Variants in P2RY8 observed in about 807,000 individuals in gnomAD.
P2RY8 encodes the protein P2Y receptor family member 8.
A neutral mutation model predicts 10.0 loss-of-function variants in P2RY8; 6 were observed. That is an observed-to-expected ratio of 0.60 (90% CI 0.33 to 1.19). P2RY8 has a LOEUF of 1.19. P2RY8 is among the 50% of genes most tolerant of loss of function. P2RY8 has a pLI of 0.04. For synonymous variants in P2RY8, 276 were observed against 252.5 expected, an observed-to-expected ratio of 1.09 and a Z score of -0.88; for missense variants, 456 against 542.0, an observed-to-expected ratio of 0.84 and a Z score of 1.58.
chrX:1,498,393 G>T (rs748874455), intron 1 of P2RY8, among the ~76,000 whole-genome samples: 3 of 121,838 alleles, frequency 2.5e-5, no homozygotes, highest in Non-Finnish European at 5.0e-5. Flanking sequence ...GCGACAGAGC[G>T]AGACTCTGTC....
rs143830539 is a variant in P2RY8, at chrX:1,486,421, G to A, written c.-24-19839C>T. Among the ~76,000 whole-genome samples, 6 of 152,262 alleles carry A rather than the reference G, an allele frequency of 3.9e-5. No individual in the cohort carries two copies. In the East Asian group the frequency reaches 1.2e-3, roughly 29 times the overall value. The stretch of plus-strand genomic sequence containing the variant: ...AAGGCTGTGACCGAGGCTACACTGT[G>A]GATGAACCTTGAAGACATCATGCTC... On this transcript the variant is annotated intron_variant, in intron 1 of 1. Coordinates refer to ENST00000381297, the MANE Select transcript of P2RY8 (RefSeq NM_178129.5).
At chrX:1,487,904 A>G (rs2092001112) in intron 1 of P2RY8, among the ~76,000 whole-genome samples, 1 of 152,050 alleles carries the variant, frequency 6.6e-6, no homozygotes, top group South Asian at 2.1e-4. Flanking sequence ...AGGTCAGGAG[A>G]TCGAGACCAT....
At chrX:1,525,046 A>G (rs1198872708) in intron 1 of P2RY8, among the ~76,000 whole-genome samples, 3 of 152,226 alleles carry the variant, frequency 2.0e-5, no homozygotes, top group Non-Finnish European at 4.4e-5. Context: ...TCCTGTAGCC[A>G]GGGTCTGTCA....
intron 1 of P2RY8, among the ~76,000 whole-genome samples, chrX:1,519,833 C>T (rs1372132508): frequency 6.6e-6 from 1 of 151,652 alleles, no homozygotes; most frequent in Non-Finnish European, 1.5e-5. Flanking sequence ...ATACTTGGTC[C>T]CTAATAATCT....
chrX:1,467,218 C>T (rs1372687695), intron 1 of P2RY8, among the ~76,000 whole-genome samples: 1 of 152,172 alleles, frequency 6.6e-6, no homozygotes, highest in Non-Finnish European at 1.5e-5. Flanking sequence ...GAGACCAACC[C>T]GCAGCCTCCA....
chrX:1,465,783 G>T lies in P2RY8; in HGVS notation c.776C>A (p.Ala259Glu). The change falls in exon 2 of 2, where the codon GCG becomes GAG. Residue 259 changes from alanine to glutamate, a missense_variant. Ala to Glu is a moderately radical substitution (Grantham distance 107, BLOSUM62 -1). Transcript: ENST00000381297. ...CFAPNNFVLLAHIVSRLFYGK... is the reference protein window; with the variant it reads ...CFAPNNFVLLEHIVSRLFYGK... The stretch of plus-strand genomic sequence containing the variant: ...GTAGAACAGGCGGCTCACGATGTGC[G>T]CCAGGAGCACGAAGTTGTTGGGGGC... 1 of 1,613,510 alleles carries T rather than the reference G, an allele frequency of 6.2e-7. No homozygotes were observed. Among genetic ancestry groups the T allele is most frequent in the Non-Finnish European group, 8.5e-7 (1 of 1,179,840 alleles).
Position 1,487,391 on chromosome X carries a change from C to T in P2RY8, c.-24-20809G>A, listed in dbSNP as rs1458532342. On this transcript the variant is annotated intron_variant, in intron 1 of 1. Coordinates refer to ENST00000381297, the MANE Select transcript of P2RY8 (RefSeq NM_178129.5). ...GCAAACGTTTTTTTGTGCACCCGTC[C>T]TAGGAAGACGCGCTTATCATCTTTG... Among the ~76,000 whole-genome samples, 3 of 151,114 alleles carry T rather than the reference C, an allele frequency of 2.0e-5. No individual in the cohort carries two copies. In the South Asian group the frequency reaches 6.3e-4, roughly 32 times the overall value.
At chrX:1,484,620 C>T (rs1400463754) in intron 1 of P2RY8, among the ~76,000 whole-genome samples, 4 of 147,578 alleles carry the variant, frequency 2.7e-5, no homozygotes, top group Non-Finnish European at 5.9e-5. Context: ...TCCAGCTACT[C>T]GGGAGGCTGA....
chrX:1,527,725 CCATCCATT>C lies in P2RY8; in HGVS notation c.-25+9188_-25+9195del, dbSNP rs1201014817. Among the ~76,000 whole-genome samples, 19 of 149,484 alleles carry C rather than the reference CCATCCATT, an allele frequency of 1.3e-4. No individual in the cohort carries two copies. The East Asian group carries it at 3.5e-3, about 27-fold the overall frequency. On this transcript the variant is annotated intron_variant, in intron 1 of 1. Transcript: ENST00000381297. ...CTCATCTATCCATCCATCCATCCAT[CCATCCATT>C]CATCCATTCATCCACTCTTCATTCA... is the stretch of plus-strand genomic sequence containing the variant.
At chrX:1,478,870 T>C (rs2091905666) in intron 1 of P2RY8, among the ~76,000 whole-genome samples, 1 of 152,022 alleles carries the variant, frequency 6.6e-6, no homozygotes, top group African/African-American at 2.4e-5. Flanking sequence ...TCATGGAATA[T>C]ACCAGAAGCC....
At chrX:1,474,600 A>C (rs2091853429) in intron 1 of P2RY8, among the ~76,000 whole-genome samples, 1 of 122,438 alleles carries the variant, frequency 8.2e-6, no homozygotes, top group Non-Finnish European at 1.7e-5. Context: ...GGATGGATGG[A>C]TGGATGGATA....
At chrX:1,481,985 G>T (rs1402806741) in intron 1 of P2RY8, among the ~76,000 whole-genome samples, 2 of 152,166 alleles carry the variant, frequency 1.3e-5, no homozygotes, top group Non-Finnish European at 2.9e-5. Flanking sequence ...GCTGTCCTCC[G>T]CAGACGCCCC....
intron 1 of P2RY8, among the ~76,000 whole-genome samples, chrX:1,474,043 A>ACTGT (rs2091841478): frequency 7.4e-6 from 1 of 134,332 alleles, no homozygotes; most frequent in African/African-American, 2.8e-5. Flanking sequence ...GGGTGGATGA[A>ACTGT]TGGTAGGCGG....
At position 1,518,357 on chromosome X, in the gene P2RY8, C is replaced by T. The variant is rs187231093; in HGVS notation, c.-25+18564G>A. On this transcript the variant is annotated intron_variant, in intron 1 of 1. Transcript: ENST00000381297. ...AGGAGAATGGCGTGAACCCAGGAGG[C>T]GGAGCTTGCAGTGAGCTGAGACTGT... is the stretch of plus-strand genomic sequence containing the variant. 6.2e-3 allele frequency among the ~76,000 whole-genome samples: 921 copies of T among 147,598 alleles called. 9 individuals are homozygous for T. Among genetic ancestry groups the T allele is most frequent in the African/African-American group, 0.022 (866 of 40,128 alleles).
chrX:1,472,648 A>T (rs2091803678), intron 1 of P2RY8, among the ~76,000 whole-genome samples: 1 of 122,262 alleles, frequency 8.2e-6, no homozygotes, highest in Admixed American at 9.2e-5. Context: ...TGATGGGTAG[A>T]TGGATGGGAG....
chrX:1,465,495 T>G lies in P2RY8; in HGVS notation c.1064A>C (p.Gln355Pro), dbSNP rs200805355. 1 of 1,607,800 alleles carries G rather than the reference T, an allele frequency of 6.2e-7. No homozygotes were observed. Among genetic ancestry groups the G allele is most frequent in the East Asian group, 2.2e-5 (1 of 44,772 alleles). ...EGATRPGLQR[Q>P]ESVF ...CCCCGGGACTCAGAACACACTCTCCTGCCTCTGGAGGCCGGGCCTGGTGGC... is the reference window on the plus strand; with the variant it reads ...CCCCGGGACTCAGAACACACTCTCCGGCCTCTGGAGGCCGGGCCTGGTGGC... Residue 355 changes from glutamine (Q) to proline (P), a missense_variant, in exon 2 of 2, where the codon CAG becomes CCG. Coordinates refer to ENST00000381297, the MANE Select transcript of P2RY8 (RefSeq NM_178129.5).
At chrX:1,531,898 T>C (rs1475980010) in intron 1 of P2RY8, among the ~76,000 whole-genome samples, 1 of 152,046 alleles carries the variant, frequency 6.6e-6, no homozygotes, top group Non-Finnish European at 1.5e-5. Context: ...AATCAAAACA[T>C]CAAGAAATAG....
At chrX:1,525,953 A>C (rs1471322263) in intron 1 of P2RY8, among the ~76,000 whole-genome samples, 7 of 150,666 alleles carry the variant, frequency 4.6e-5, no homozygotes, top group Non-Finnish European at 8.9e-5. Flanking sequence ...TCCACTTATC[A>C]ATACACCCAC....
chrX:1,517,290 A>G (rs755580494), intron 1 of P2RY8, among the ~76,000 whole-genome samples: 2 of 152,048 alleles, frequency 1.3e-5, no homozygotes, highest in African/African-American at 4.8e-5. Flanking sequence ...CAGGGAGGAG[A>G]CAGCATCTAC....
Sources: gnomAD v4.1 joint callset for allele counts (sites outside exome capture counted in the v4.1 genomes callset) on GRCh38, gnomAD v4.1.1 for gene constraint, MANE v1.5 for transcripts, NCBI Gene and HGNC (gene_info 2026-07-23, HGNC 2026-07-21) for gene names.